The following ARSJ variants were observed in gnomAD, a reference collection of about 807,000 sequenced individuals.
The protein encoded by ARSJ is arylsulfatase J.
ARSJ carries 26 observed loss-of-function variants against 35.9 expected under a neutral mutation model. The observed-to-expected ratio is 0.72, with a 90% CI of 0.53 to 1.00. The LOEUF (loss-of-function observed/expected upper bound fraction) is 1.00, where lower values mean the gene tolerates loss of function less well. Among genes scored for constraint, ARSJ ranks in the 50% least tolerant of loss-of-function variants. The probability of loss-of-function intolerance (pLI) is 0.00; values close to 1 mark genes in which losing one functional copy is unlikely to be tolerated. For missense variants in ARSJ, 667 were observed against 723.6 expected (o/e 0.92, Z 0.90); for synonymous variants, 294 against 267.6 (o/e 1.10, Z -0.96).
Position 113,957,754 on chromosome 4 carries a change from T to C in ARSJ, c.398+20683A>G, listed in dbSNP as rs113286098. On this transcript the variant is annotated intron_variant, in intron 1 of 1. Coordinates refer to ENST00000315366, the MANE Select transcript of ARSJ (RefSeq NM_024590.4). ...TGCAAAAAAGACTCCAAATTGCTTA[T>C]GTAGGAACAAACTTAAAAGTGAGAC... is the stretch of plus-strand genomic sequence containing the variant. Among the ~76,000 whole-genome samples, 279 of 152,232 alleles carry C rather than the reference T, an allele frequency of 1.8e-3. 2 individuals carry two copies. Among genetic ancestry groups the C allele is most frequent in the African/African-American group, 6.3e-3 (263 of 41,570 alleles).
rs187127871 is a variant in ARSJ, at chr4:113,975,145, C to T, written c.398+3292G>A. Among the ~76,000 whole-genome samples the T allele has an allele frequency of 1.6e-3, 239 of 152,220 alleles. 1 individual carries two copies. In the Middle Eastern group the frequency reaches 0.031, roughly 19 times the overall value. On this transcript the variant is annotated intron_variant, in intron 1 of 1. Transcript: ENST00000315366. ...TATGAGAAACTGGGAGAGTGATTAT[C>T]CATGGTGAGGGATACCAGTTGGGTA...
intron 1 of ARSJ, among the ~76,000 whole-genome samples, chr4:113,951,713 T>C (rs976338752): frequency 2.0e-5 from 3 of 152,124 alleles, no homozygotes; most frequent in Non-Finnish European, 4.4e-5. Flanking sequence ...TTCTTCCTGC[T>C]CTTTAAAGAT....
At chr4:113,924,078 TA>T (rs1723886226) in intron 1 of ARSJ, among the ~76,000 whole-genome samples, 1 of 124,228 alleles carries the variant, frequency 8.0e-6, no homozygotes, top group African/African-American at 3.3e-5. Flanking sequence ...TATATATAAA[TA>T]TATATATATA....
intron 1 of ARSJ, among the ~76,000 whole-genome samples, chr4:113,965,721 T>C (rs1028632907): frequency 3.3e-5 from 5 of 152,110 alleles, no homozygotes; most frequent in Admixed American, 6.6e-5. Context: ...TATGCTCAAC[T>C]AAATCTTTTA....
intron 1 of ARSJ, among the ~76,000 whole-genome samples, chr4:113,915,363 A>G (rs1478408088): frequency 6.6e-6 from 1 of 152,132 alleles, no homozygotes; most frequent in Admixed American, 6.6e-5. Flanking sequence ...TGGAATTAAC[A>G]TTTTATATTC....
chr4:113,959,206 A>T (rs868532686), intron 1 of ARSJ, among the ~76,000 whole-genome samples: 1 of 151,902 alleles, frequency 6.6e-6, no homozygotes, highest in African/African-American at 2.4e-5. Flanking sequence ...CAGAACATAA[A>T]CCTTAAAAGC....
Position 113,902,247 on chromosome 4 carries a change from G to A in ARSJ, c.*27C>T. ...AGATGAAAGATAAGAACTGATTAAA[G>A]TTTAACCAAACAGGAAATATTTGTG... On this transcript the variant is annotated 3_prime_UTR_variant, in exon 2 of 2. Coordinates refer to ENST00000315366, the MANE Select transcript of ARSJ (RefSeq NM_024590.4). The A allele has an allele frequency of 6.2e-7, 1 of 1,604,192 alleles. No individual in the cohort carries two copies. The highest frequency in any genetic ancestry group is 8.5e-7 in the Non-Finnish European group (1 of 1,179,970).
chr4:113,912,062 G>A (rs1016530849), intron 1 of ARSJ, among the ~76,000 whole-genome samples: 1 of 152,142 alleles, frequency 6.6e-6, no homozygotes, highest in Admixed American at 6.5e-5. Flanking sequence ...GGAATGCAAT[G>A]TTACCATAAA....
intron 1 of ARSJ, among the ~76,000 whole-genome samples, chr4:113,950,559 G>C (rs1447031131): frequency 6.6e-6 from 1 of 151,962 alleles, no homozygotes. Flanking sequence ...GAGGGAAAAA[G>C]GGTGAATATA....
intron 1 of ARSJ, among the ~76,000 whole-genome samples, chr4:113,965,392 T>C (rs1417017311): frequency 1.3e-5 from 2 of 152,086 alleles, no homozygotes; most frequent in African/African-American, 4.8e-5. Context: ...CTGTCAGCCA[T>C]CTGAATAATG....
At chr4:113,949,075 C>A (rs1251631770) in intron 1 of ARSJ, among the ~76,000 whole-genome samples, 1 of 150,588 alleles carries the variant, frequency 6.6e-6, no homozygotes, top group Non-Finnish European at 1.5e-5. Flanking sequence ...TCATTCCCAG[C>A]AAACTAACAC....
chr4:113,916,473 A>T (rs1023384252), intron 1 of ARSJ, among the ~76,000 whole-genome samples: 8 of 152,048 alleles, frequency 5.3e-5, no homozygotes, highest in African/African-American at 1.9e-4. Context: ...CAAATTGCAA[A>T]TTGTAAAATT....
At chr4:113,926,383 C>T (rs1051551293) in intron 1 of ARSJ, among the ~76,000 whole-genome samples, 9 of 152,200 alleles carry the variant, frequency 5.9e-5, no homozygotes, top group African/African-American at 1.9e-4. Context: ...GATTTCCCTT[C>T]ACCTCTTTCC....
Position 113,902,208 on chromosome 4 carries a change from T to C in ARSJ, c.*66A>G. On this transcript the variant is annotated 3_prime_UTR_variant, in exon 2 of 2. Transcript: ENST00000315366. ...GATATTATCGAGCCAAATTTGCTGG[T>C]TTACCTAGGAAACAGATGAAAGATA... 6.3e-7 allele frequency: 1 copy of C among 1,599,842 alleles called. No homozygotes were observed. Among genetic ancestry groups the C allele is most frequent in the Non-Finnish European group, 8.5e-7 (1 of 1,179,918 alleles).
chr4:113,931,029 G>A (rs1724411401), intron 1 of ARSJ, among the ~76,000 whole-genome samples: 1 of 151,748 alleles, frequency 6.6e-6, no homozygotes, highest in South Asian at 2.1e-4. Flanking sequence ...CTGTGGTGGG[G>A]TGGGGGGAAA....
Position 113,924,061 on chromosome 4 carries a change from ATATAAATATATATAAATATATATAT to A in ARSJ, c.399-20411_399-20387del, listed in dbSNP as rs1562345541. ...AATATATATAAATATATATAAATAT[ATATAAATATATATAAATATATATAT>A]ATATATATATATATATATATATATA... On this transcript the variant is annotated intron_variant, in intron 1 of 1. Transcript: ENST00000315366. Among the ~76,000 whole-genome samples, 41 of 110,716 alleles carry A rather than the reference ATATAAATATATATAAATATATATAT, an allele frequency of 3.7e-4. 1 individual carries two copies. The highest frequency in any genetic ancestry group is 1.7e-3 in the African/African-American group (40 of 23,544). 72.6% of individuals were successfully genotyped at this position (110,716 alleles called of 152,430 possible).
chr4:113,902,679 G>C lies in ARSJ; in HGVS notation c.1395C>G (p.Asp465Glu). The change falls in exon 2 of 2, where the codon GAC becomes GAG. Residue 465 changes from aspartate (D) to glutamate (E), a missense_variant. By Grantham distance (45) the Asp-to-Glu change is conservative. Transcript: ENST00000315366. ...KLLTGNPGYS[D>E]WVPPQSFSNL... ...TGCTGAAAGACTGAGGGGGGACCCA[G>C]TCGCTGTAGCCAGGATTTCCTGTAA... 6.2e-7 allele frequency: 1 copy of C among 1,614,204 alleles called. No homozygotes were observed. The highest frequency in any genetic ancestry group is 1.1e-5 in the South Asian group (1 of 91,082).
intron 1 of ARSJ, among the ~76,000 whole-genome samples, chr4:113,940,530 G>A (rs1031106476): frequency 6.6e-6 from 1 of 151,432 alleles, no homozygotes; most frequent in African/African-American, 2.4e-5. Flanking sequence ...GCAAAAAATA[G>A]CTAATGCATG....
intron 1 of ARSJ, among the ~76,000 whole-genome samples, chr4:113,910,115 T>C (rs1181122091): frequency 1.3e-5 from 2 of 152,168 alleles, no homozygotes; most frequent in Non-Finnish European, 2.9e-5. Flanking sequence ...ACATGAATAA[T>C]AGTAAACCTA....
Sources: allele counts gnomAD v4.1 joint callset (sites outside exome capture counted in the v4.1 genomes callset), GRCh38; gene constraint gnomAD v4.1.1; transcripts MANE v1.5; gene names NCBI Gene and HGNC (gene_info 2026-07-23, HGNC 2026-07-21).